RILPL1: variants seen among roughly 807,000 people sequenced by gnomAD.
RILPL1 encodes the protein RILP-like protein 1.
RILPL1 carries 33 observed loss-of-function variants against 50.3 expected under a neutral mutation model. The ratio of observed to expected loss-of-function variants is 0.66; its 90% CI spans 0.50 to 0.88. RILPL1 has a LOEUF of 0.88. RILPL1 is among the 40% of genes least tolerant of loss of function. The pLI, the probability that RILPL1 is intolerant of heterozygous loss-of-function variation, is 0.00. For missense variants in RILPL1, 418 were observed against 542.5 expected (o/e 0.77, Z 2.28); for synonymous variants, 205 against 228.6 (o/e 0.90, Z 0.93).
chr12:123,512,488 G>C (rs952184490), intron 2 of RILPL1, among the ~76,000 whole-genome samples: 3 of 143,296 alleles, frequency 2.1e-5, no homozygotes, highest in East Asian at 4.4e-4. Context: ...TGTGAGGTCT[G>C]TGTGTGTGTG....
intron 6 of RILPL1, chr12:123,474,208 G>C (rs1593525727): frequency 6.6e-6 from 1 of 152,212 alleles, no homozygotes; most frequent in African/African-American, 2.4e-5. Context: ...TTAAAACAAG[G>C]TCTGCTTTGA....
Position 123,484,412 on chromosome 12 carries a change from A to T in RILPL1, c.975-140T>A, listed in dbSNP as rs557492431. On this transcript the variant is annotated intron_variant, in intron 5 of 6. Coordinates refer to ENST00000376874, the MANE Select transcript of RILPL1 (RefSeq NM_178314.5). ...GCATCTGTATTTCCAGTTTATTCTG[A>T]AGAGTCCAGCCAAATAGAACCACTC... 4.7e-4 allele frequency: 330 copies of T among 696,888 alleles called. 1 individual carries two copies. The South Asian group carries it at 5.0e-3, about 11-fold the overall frequency. The allele number at this position is 696,888 out of a possible 1,614,324, so 43.2% of individuals were successfully genotyped here. A position where few individuals can be genotyped will look rare whatever the true frequency, so the allele number is the denominator to read the frequency against.
intron 2 of RILPL1, among the ~76,000 whole-genome samples, chr12:123,516,337 T>TC (rs1416107328): frequency 6.6e-6 from 1 of 152,242 alleles, no homozygotes; most frequent in African/African-American, 2.4e-5. Context: ...GAAGTCCAGC[T>TC]CCTCGCCTAA....
At chr12:123,532,185 CAG>C (rs1885459658) in intron 1 of RILPL1, among the ~76,000 whole-genome samples, 1 of 152,242 alleles carries the variant, frequency 6.6e-6, no homozygotes, top group Non-Finnish European at 1.5e-5. Flanking sequence ...GGAGACTGCT[CAG>C]GCACCCTGAT....
chr12:123,485,017 T>C lies in RILPL1; in HGVS notation c.974+616A>G, dbSNP rs1882236639. 2.5e-6 allele frequency: 1 copy of C among 402,228 alleles called. No homozygotes were observed. The highest frequency in any genetic ancestry group is 2.1e-5 in the African/African-American group (1 of 48,152). The allele number at this position is 402,228 out of a possible 1,614,324, so 24.9% of individuals were successfully genotyped here. On this transcript the variant is annotated intron_variant, in intron 5 of 6. Coordinates refer to ENST00000376874, the MANE Select transcript of RILPL1 (RefSeq NM_178314.5). This position sits in a 1 kb window ranked among gnomAD's most constrained non-coding sequence, Gnocchi z 4.0. ...TAAACCTTTCAATAAAAATGTGTGGTATTATATTTTTTATGCATCTCTTAT... is the reference window on the plus strand; with the variant it reads ...TAAACCTTTCAATAAAAATGTGTGGCATTATATTTTTTATGCATCTCTTAT...
chr12:123,508,310 C>T (rs527848862), intron 2 of RILPL1, among the ~76,000 whole-genome samples: 3 of 152,278 alleles, frequency 2.0e-5, no homozygotes, highest in Admixed American at 2.0e-4. Context: ...AGGAGGATCA[C>T]CTGAGTTAGG....
chr12:123,529,046 C>T (rs558061835), intron 1 of RILPL1, among the ~76,000 whole-genome samples: 49 of 152,264 alleles, frequency 3.2e-4, no homozygotes, highest in African/African-American at 1.1e-3. Context: ...CCAGCCACAC[C>T]GACTCTGTGT....
intron 2 of RILPL1, among the ~76,000 whole-genome samples, chr12:123,506,570 G>T (rs1259019383): frequency 1.3e-5 from 2 of 152,160 alleles, no homozygotes; most frequent in Non-Finnish European, 2.9e-5. Flanking sequence ...GGAATTATGG[G>T]AAGTGTGGAC....
Position 123,533,555 on chromosome 12 carries a change from G to C in RILPL1, c.-73C>G, listed in dbSNP as rs971424357. On this transcript the variant is annotated 5_prime_UTR_variant, in exon 1 of 7. Transcript: ENST00000376874. This position sits in a 1 kb window ranked among gnomAD's most constrained non-coding sequence, Gnocchi z 6.2. ...CAAACTTGCCGCTGTCGAGGGCCGG[G>C]CCGGCCGGGCCCAGCCTGGGCCGCG... The C allele has an allele frequency of 6.8e-6, 9 of 1,316,584 alleles. No individual in the cohort carries two copies. The African/African-American group carries it at 1.4e-4, about 20-fold the overall frequency. The allele number at this position is 1,316,584 out of a possible 1,614,324, so 81.6% of individuals were successfully genotyped here.
At chr12:123,496,428 T>A (rs1361613936) in intron 4 of RILPL1, among the ~76,000 whole-genome samples, 1 of 152,172 alleles carries the variant, frequency 6.6e-6, no homozygotes, top group African/African-American at 2.4e-5. Flanking sequence ...ACCTAATGAC[T>A]ACTGGGACTT....
intron 2 of RILPL1, among the ~76,000 whole-genome samples, chr12:123,516,800 C>T (rs1429040858): frequency 6.6e-6 from 1 of 152,162 alleles, no homozygotes; most frequent in Non-Finnish European, 1.5e-5. Context: ...ATGCCTCATG[C>T]CTGTAATCCC....
intron 1 of RILPL1, among the ~76,000 whole-genome samples, chr12:123,526,243 C>A (rs1885252100): frequency 2.0e-5 from 3 of 151,746 alleles, no homozygotes; most frequent in Non-Finnish European, 2.9e-5. Context: ...GAGGCAGAGG[C>A]TGTAGTGAGC....
intron 6 of RILPL1, 140 bp from the exon 7 acceptor site, chr12:123,472,822 T>A (rs1881289812): frequency 1.2e-6 from 1 of 869,194 alleles, no homozygotes; most frequent in South Asian, 1.7e-5. Flanking sequence ...AAGTTGGGGG[T>A]GCAGGTCAAA....
At chr12:123,472,750 A>T in intron 6 of RILPL1, 68 bp from the exon 7 acceptor site, 1 of 1,530,866 alleles carries the variant, frequency 6.5e-7, no homozygotes, top group South Asian at 1.2e-5. Flanking sequence ...GTTTTTTGCA[A>T]TGCCGGAGAC....
chr12:123,482,448 A>AT (rs928189623), intron 6 of RILPL1, among the ~76,000 whole-genome samples: 1 of 151,664 alleles, frequency 6.6e-6, no homozygotes, highest in African/African-American at 2.4e-5. Context: ...CTAATTTTAA[A>AT]TTTTTTTGTA....
At chr12:123,497,649 C>G (rs1883111278) in intron 4 of RILPL1, among the ~76,000 whole-genome samples, 3 of 152,154 alleles carry the variant, frequency 2.0e-5, no homozygotes, top group Admixed American at 2.0e-4. Context: ...ACCTCAGCCT[C>G]CCAAAGTGCT....
intron 4 of RILPL1, among the ~76,000 whole-genome samples, chr12:123,487,738 C>T (rs1882439903): frequency 6.6e-6 from 1 of 152,176 alleles, no homozygotes; most frequent in Non-Finnish European, 1.5e-5. Context: ...ATGCTAAGAA[C>T]TGTATTAGTG....
intron 2 of RILPL1, among the ~76,000 whole-genome samples, chr12:123,501,736 G>A (rs1300782618): frequency 1.3e-5 from 2 of 148,600 alleles, no homozygotes; most frequent in African/African-American, 5.0e-5. Context: ...CTCCAGCCTG[G>A]GCAACAGTTC....
At chr12:123,484,629 T>C (rs1882208569) in intron 5 of RILPL1, among the ~76,000 whole-genome samples, 1 of 150,492 alleles carries the variant, frequency 6.6e-6, no homozygotes, top group East Asian at 1.9e-4. Context: ...CTCGAAGAAG[T>C]GATCTCTCCC....
Sources: allele counts gnomAD v4.1 joint callset (sites outside exome capture counted in the v4.1 genomes callset), GRCh38; gene constraint gnomAD v4.1.1; non-coding constraint Gnocchi (gnomAD v3.1); transcripts MANE v1.5; gene names NCBI Gene and HGNC (gene_info 2026-07-23, HGNC 2026-07-21).